The following LARP1B variants were observed in gnomAD, a reference collection of about 807,000 sequenced individuals.
LARP1B encodes the protein la-related protein 1B.
A neutral mutation model predicts 114.2 loss-of-function variants in LARP1B; 76 were observed. The observed-to-expected ratio is 0.67, with a 90% CI of 0.55 to 0.81. LARP1B has a LOEUF of 0.81. Among genes scored for constraint, LARP1B ranks in the 30% least tolerant of loss-of-function variants. The probability of loss-of-function intolerance (pLI) is 0.00; values close to 1 mark genes in which losing one functional copy is unlikely to be tolerated. For missense variants in LARP1B, 1,014 were observed against 1,075.8 expected, an observed-to-expected ratio of 0.94 and a Z score of 0.80; for synonymous variants, 345 against 348.0, an observed-to-expected ratio of 0.99 and a Z score of 0.10.
Position 128,107,198 on chromosome 4 carries a change from A to G in LARP1B, c.873A>G (p.Glu291=), listed in dbSNP as rs908471758. 1 of 1,614,014 alleles carries G rather than the reference A, an allele frequency of 6.2e-7. No individual in the cohort carries two copies. Among genetic ancestry groups the G allele is most frequent in the African/African-American group, 1.3e-5 (1 of 74,916 alleles). The part of the protein sequence containing the change: ...IVDEKMRKKI[E]PEKWPIPGPP... ...ATGAGAAAATGAGAAAAAAGATAGA[A>G]CCAGAAAAATGGCCAATTCCAGGCC... is the stretch of plus-strand genomic sequence containing the variant. The change falls in exon 9 of 20, where the codon GAA becomes GAG. Residue 291 remains glutamate, a synonymous_variant. Transcript: ENST00000326639.
intron 11 of LARP1B, among the ~76,000 whole-genome samples, chr4:128,153,220 T>C (rs1043358151): frequency 2.0e-5 from 3 of 151,808 alleles, no homozygotes; most frequent in African/African-American, 7.3e-5. Flanking sequence ...TGACCTCAGC[T>C]GATCCGCCTG....
intron 11 of LARP1B, among the ~76,000 whole-genome samples, chr4:128,141,221 A>G (rs1727951577): frequency 6.6e-6 from 1 of 152,122 alleles, no homozygotes; most frequent in Non-Finnish European, 1.5e-5. Context: ...TAGGATGTAG[A>G]GATCAGACGT....
At chr4:128,156,042 C>A in intron 11 of LARP1B, 1 of 1,583,262 alleles carries the variant, frequency 6.3e-7, no homozygotes, top group East Asian at 2.2e-5. Context: ...TGCACACCCC[C>A]AAGCTCATGA....
intron 1 of LARP1B, among the ~76,000 whole-genome samples, chr4:128,065,539 A>T (rs1262690311): frequency 1.3e-5 from 2 of 151,898 alleles, no homozygotes; most frequent in African/African-American, 4.8e-5. Context: ...GTAAAGAAAC[A>T]GGACCACAGT....
chr4:128,114,685 C>T lies in LARP1B; in HGVS notation c.1104C>T (p.Asp368=). The T allele has an allele frequency of 6.2e-7, 1 of 1,614,080 alleles. No individual in the cohort carries two copies. The highest frequency in any genetic ancestry group is 8.5e-7 in the Non-Finnish European group (1 of 1,180,004). ...RGLSTSLPDL[D]SEPWIEVKKR... Reference sequence around the variant, plus strand: ...TGTCTACCAGTTTGCCTGACTTGGACTCAGAACCTTGGATAGAAGTTAAAA... The same window carrying T: ...TGTCTACCAGTTTGCCTGACTTGGATTCAGAACCTTGGATAGAAGTTAAAA... The change falls in exon 10 of 20, where the codon GAC becomes GAT. Residue 368 remains aspartate (D), a synonymous_variant. Coordinates refer to ENST00000326639, the MANE Select transcript of LARP1B (RefSeq NM_018078.4).
intron 15 of LARP1B, among the ~76,000 whole-genome samples, chr4:128,197,015 A>G (rs1754392217): frequency 6.6e-6 from 1 of 152,210 alleles, no homozygotes; most frequent in South Asian, 2.1e-4. Context: ...GACAGAAAGT[A>G]GAATAGAGGT....
At chr4:128,165,726 A>G (rs1740514365) in intron 12 of LARP1B, among the ~76,000 whole-genome samples, 1 of 152,132 alleles carries the variant, frequency 6.6e-6, no homozygotes, top group Non-Finnish European at 1.5e-5. Flanking sequence ...ATCTCCATAT[A>G]TAAGAGGGGT....
At chr4:128,200,338 C>T (rs1275785937) in intron 16 of LARP1B, among the ~76,000 whole-genome samples, 183 bp from the exon 17 acceptor site, 1 of 152,140 alleles carries the variant, frequency 6.6e-6, no homozygotes, top group Non-Finnish European at 1.5e-5. Context: ...CTCACATGTG[C>T]AGTTCACAGT....
At chr4:128,108,224 C>G (rs1022010224) in intron 9 of LARP1B, 2 of 1,158,968 alleles carry the variant, frequency 1.7e-6, no homozygotes, top group Middle Eastern at 3.5e-4. Context: ...CTGGAAATAC[C>G]GCAAGATTAT....
At chr4:128,159,832 C>G (rs1737606762) in intron 11 of LARP1B, among the ~76,000 whole-genome samples, 1 of 152,182 alleles carries the variant, frequency 6.6e-6, no homozygotes. Flanking sequence ...AAACCTACTG[C>G]TCAATTCAGC....
At chr4:128,065,309 CTTT>C (rs1561011960) in intron 1 of LARP1B, among the ~76,000 whole-genome samples, 39 of 98,290 alleles carry the variant, frequency 4.0e-4, no homozygotes, top group South Asian at 3.3e-4. Context: ...TTCTTTCTTT[CTTT>C]CTTTCTCTCT....
At position 128,122,137 on chromosome 4, in the gene LARP1B, T is replaced by C. The variant is rs986414074; in HGVS notation, c.1473T>C (p.Tyr491=). The C allele has an allele frequency of 6.2e-7, 1 of 1,613,910 alleles. No homozygotes were observed. The highest frequency in any genetic ancestry group is 8.5e-7 in the Non-Finnish European group (1 of 1,179,906). The change falls in exon 11 of 20, where the codon TAT becomes TAC. Residue 491 remains tyrosine, a synonymous_variant. Transcript: ENST00000326639. The part of the protein sequence containing the change: ...AKVINDGLYY[Y]EQDLWMEEDE... ...TTATCAATGATGGCTTATACTATTA[T>C]GAACAGGATCTATGGATGGAAGAAG...
At chr4:128,133,726 C>T (rs995738183) in intron 11 of LARP1B, among the ~76,000 whole-genome samples, 6 of 151,940 alleles carry the variant, frequency 3.9e-5, no homozygotes, top group African/African-American at 9.7e-5. Flanking sequence ...GACAGAGTTT[C>T]GCTCTTGTTG....
chr4:128,179,922 C>T (rs1747756624), intron 15 of LARP1B, among the ~76,000 whole-genome samples: 1 of 151,628 alleles, frequency 6.6e-6, no homozygotes, highest in African/African-American at 2.4e-5. Context: ...GCTTTTTTCC[C>T]CCTTTTTTGA....
chr4:128,210,912 T>C lies in LARP1B; in HGVS notation c.*859T>C, dbSNP rs1758868348. 1.0e-6 allele frequency: 1 copy of C among 970,370 alleles called. No individual in the cohort carries two copies. Among genetic ancestry groups the C allele is most frequent in the Non-Finnish European group, 1.2e-6 (1 of 816,176 alleles). 60.1% of individuals were successfully genotyped at this position (970,370 alleles called of 1,614,324 possible). ...TGCACTGTTTTGAATGCATCTGCTA[T>C]TTATACATCTGCAAGTGGGTATGTC... On this transcript the variant is annotated 3_prime_UTR_variant, in exon 20 of 20. Transcript: ENST00000326639.
rs542370012 is a variant in LARP1B at position 128,194,411 on chromosome 4, A to T, written c.2004-5028A>T. Among the ~76,000 whole-genome samples the T allele has an allele frequency of 2.4e-4, 36 of 149,592 alleles. No homozygotes were observed. The South Asian group carries it at 7.9e-3, about 33-fold the overall frequency. ...AAAAATAGTTTTCTTGGCTGGTCGC[A>T]GTGGCTCACGCCTGTAATCCCAGCA... On this transcript the variant is annotated intron_variant, in intron 15 of 19. Transcript: ENST00000326639.
chr4:128,065,902 ACCT>A (rs1249733582), intron 1 of LARP1B, among the ~76,000 whole-genome samples: 1 of 151,880 alleles, frequency 6.6e-6, no homozygotes, highest in Non-Finnish European at 1.5e-5. Context: ...TGCAGCCTTG[ACCT>A]CCTGGACTCA....
At chr4:128,220,099 G>A (rs1759892148) in intron 6 of LARP1B, among the ~76,000 whole-genome samples, 1 of 152,026 alleles carries the variant, frequency 6.6e-6, no homozygotes, top group South Asian at 2.1e-4. Flanking sequence ...TGGTCAGGGT[G>A]GTCTCAAACT....
chr4:128,171,163 C>T (rs1306314775), intron 12 of LARP1B, among the ~76,000 whole-genome samples: 1 of 151,668 alleles, frequency 6.6e-6, no homozygotes, highest in Non-Finnish European at 1.5e-5. Context: ...GGGTCTCACT[C>T]TGTTGCCAAG....
Sources: allele counts gnomAD v4.1 joint callset (sites outside exome capture counted in the v4.1 genomes callset), GRCh38; gene constraint gnomAD v4.1.1; transcripts MANE v1.5; gene names NCBI Gene and HGNC (gene_info 2026-07-23, HGNC 2026-07-21).